SH3GL1: variants seen among roughly 807,000 people sequenced by gnomAD.
The protein encoded by SH3GL1 is SH3 domain containing GRB2 like 1, endophilin A2, also known as endophilin-A2.
Under a neutral mutation model 48.8 loss-of-function variants are expected in SH3GL1, and 21 were observed. The ratio of observed to expected loss-of-function variants is 0.43; its 90% CI spans 0.30 to 0.62. SH3GL1 has a LOEUF of 0.62. SH3GL1 is among the 20% of genes least tolerant of loss of function. The probability of loss-of-function intolerance (pLI) is 0.11; values close to 1 mark genes in which losing one functional copy is unlikely to be tolerated. For missense variants in SH3GL1, 454 were observed against 503.0 expected (o/e 0.90, Z 0.93); for synonymous variants, 282 against 217.5 (o/e 1.30, Z -2.61).
intron 1 of SH3GL1, among the ~76,000 whole-genome samples, chr19:4,375,442 T>A (rs527534698): frequency 2.2e-4 from 34 of 152,344 alleles, no homozygotes; most frequent in African/African-American, 8.2e-4. Flanking sequence ...GCCCCAGGGC[T>A]GGGCGAGGAA....
chr19:4,365,244 G>C (rs1057011086), intron 4 of SH3GL1, among the ~76,000 whole-genome samples: 1 of 152,190 alleles, frequency 6.6e-6, no homozygotes, highest in Admixed American at 6.5e-5. Flanking sequence ...CCAGGCCCTG[G>C]GGAAGCAGCT....
rs1315834293 is a variant in SH3GL1, at chr19:4,361,778, C to T, written c.929G>A (p.Ser310Asn). The T allele has an allele frequency of 6.2e-7, 1 of 1,609,698 alleles. No homozygotes were observed. The highest frequency in any genetic ancestry group is 8.5e-7 in the Non-Finnish European group (1 of 1,179,742). The change falls in exon 10 of 10, where the codon AGC becomes AAC. Residue 310 changes from serine to asparagine, a missense_variant. Ser to Asn is a conservative substitution (Grantham distance 46). Coordinates refer to ENST00000269886, the MANE Select transcript of SH3GL1 (RefSeq NM_003025.4). ...SRSMPPLDQP[S>N]CKALYDFEPE... The stretch of plus-strand genomic sequence containing the variant: ...CTCGAAGTCGTACAGCGCCTTGCAG[C>T]TCGGCTGGTCCAGGGGCGCTGGGGG...
chr19:4,373,752 CCA>C (rs1478936523), intron 1 of SH3GL1, among the ~76,000 whole-genome samples: 1 of 152,124 alleles, frequency 6.6e-6, no homozygotes, highest in Non-Finnish European at 1.5e-5. Flanking sequence ...TCAGACCAGG[CCA>C]CAGAGGGCCC....
rs1165054067 is a variant in SH3GL1, at chr19:4,367,411, G to T, written c.46-417C>A. ...GGGATCTGCCCCCATCCTTGAGTAT[G>T]TGGGGTCTACTTAAAAAAAAAAATC... On this transcript the variant is annotated intron_variant, in intron 1 of 9. Transcript: ENST00000269886. The surrounding 1 kb of genome is among the most constrained non-coding windows in gnomAD (Gnocchi z 4.2). 6.6e-6 allele frequency among the ~76,000 whole-genome samples: 1 copy of T among 151,464 alleles called. No homozygotes were observed. The highest frequency in any genetic ancestry group is 1.5e-5 in the Non-Finnish European group (1 of 67,982).
intron 1 of SH3GL1, among the ~76,000 whole-genome samples, chr19:4,373,449 G>C (rs1442112863): frequency 6.6e-6 from 1 of 152,228 alleles, no homozygotes; most frequent in Admixed American, 6.5e-5. Flanking sequence ...TTAAAAAGCA[G>C]CCTTTGGGAA....
chr19:4,368,578 A>G (rs1396470370), intron 1 of SH3GL1, among the ~76,000 whole-genome samples: 1 of 152,196 alleles, frequency 6.6e-6, no homozygotes, highest in Non-Finnish European at 1.5e-5. Context: ...CCCTCCTCCA[A>G]GGCTTGGCTC....
At position 4,376,089 on chromosome 19, in the gene SH3GL1, G is replaced by A. The variant is rs150902225; in HGVS notation, c.46-9095C>T. Among the ~76,000 whole-genome samples, 2 of 152,362 alleles carry A rather than the reference G, an allele frequency of 1.3e-5. No individual in the cohort carries two copies. Among genetic ancestry groups the A allele is most frequent in the African/African-American group, 2.4e-5 (1 of 41,582 alleles). On this transcript the variant is annotated intron_variant, in intron 1 of 9. Transcript: ENST00000269886. The surrounding 1 kb of genome is among the most constrained non-coding windows in gnomAD (Gnocchi z 4.3). ...GTGACAGCGGTGAGAGGCTGCAGGT[G>A]CACAGATCTCAACGAGGGGCCGTGA...
At chr19:4,373,901 C>T (rs1972953555) in intron 1 of SH3GL1, among the ~76,000 whole-genome samples, 1 of 152,210 alleles carries the variant, frequency 6.6e-6, no homozygotes, top group Admixed American at 6.5e-5. Context: ...GCCCGGCCAC[C>T]GCAGTCTAAA....
Position 4,361,457 on chromosome 19 carries a change from G to A in SH3GL1, c.*143C>T, listed in dbSNP as rs1341843880. 3.1e-6 allele frequency: 2 copies of A among 643,640 alleles called. No homozygotes were observed. The highest frequency in any genetic ancestry group is 2.7e-5 in the East Asian group (1 of 36,768). The allele number at this position is 643,640 out of a possible 1,614,324, so 39.9% of individuals were successfully genotyped here. ...CCACCCAAGTGTGGGGTCCTGCTCA[G>A]GGAGTACCTCAAGGGCCGGGGCCCA... On this transcript the variant is annotated 3_prime_UTR_variant, in exon 10 of 10. Transcript: ENST00000269886.
chr19:4,366,582 A>T lies in SH3GL1; in HGVS notation c.115-9T>A, dbSNP rs781143278. On this transcript the variant is annotated splice_polypyrimidine_tract_variant and intron_variant, in intron 2 of 9. Coordinates refer to ENST00000269886, the MANE Select transcript of SH3GL1 (RefSeq NM_003025.4). The stretch of plus-strand genomic sequence containing the variant: ...CTGGTGACATCCACCTTCTGTGAAG[A>T]GAAGCAGCATATAAGACTCCACAGC... 3 of 1,611,246 alleles carry T rather than the reference A, an allele frequency of 1.9e-6. No homozygotes were observed. The highest frequency in any genetic ancestry group is 2.2e-5 in the South Asian group (2 of 90,796).
chr19:4,385,489 G>A (rs1414227898), intron 1 of SH3GL1, among the ~76,000 whole-genome samples: 6 of 152,204 alleles, frequency 3.9e-5, no homozygotes, highest in Admixed American at 6.5e-5. Flanking sequence ...GGACTCCTGG[G>A]CTCCAGAAAC....
At chr19:4,370,311 T>C (rs1004746317) in intron 1 of SH3GL1, among the ~76,000 whole-genome samples, 1 of 152,204 alleles carries the variant, frequency 6.6e-6, no homozygotes, top group African/African-American at 2.4e-5. Flanking sequence ...CCCTGACTAG[T>C]GCAGCGGACT....
At chr19:4,370,408 G>A (rs1388153371) in intron 1 of SH3GL1, among the ~76,000 whole-genome samples, 2 of 152,194 alleles carry the variant, frequency 1.3e-5, no homozygotes, top group Non-Finnish European at 2.9e-5. Context: ...GGCAGGAAAC[G>A]GAGGAAAATA....
intron 4 of SH3GL1, 147 bp from the exon 5 acceptor site, chr19:4,364,368 C>T (rs1354086560): frequency 2.0e-6 from 2 of 1,020,726 alleles, no homozygotes; most frequent in East Asian, 2.5e-5. Flanking sequence ...AAACTGGGCT[C>T]AAGCCATGCT....
chr19:4,382,500 G>A (rs1451908322), intron 1 of SH3GL1, among the ~76,000 whole-genome samples: 3 of 151,712 alleles, frequency 2.0e-5, no homozygotes, highest in Non-Finnish European at 2.9e-5. Flanking sequence ...CTCGTGATCC[G>A]CCTGCCTCGG....
intron 1 of SH3GL1, among the ~76,000 whole-genome samples, chr19:4,368,658 G>A (rs1377655721): frequency 6.6e-6 from 1 of 152,194 alleles, no homozygotes; most frequent in Non-Finnish European, 1.5e-5. Flanking sequence ...CTGCCTTCAT[G>A]TGCGGGGTGT....
At chr19:4,363,569 A>G in intron 6 of SH3GL1, 96 bp from the exon 7 acceptor site, 1 of 729,864 alleles carries the variant, frequency 1.4e-6, no homozygotes, top group South Asian at 2.4e-5. Context: ...AAGGGGGCTG[A>G]GAGGGGACAG....
rs757316775 is a variant in SH3GL1 at position 4,363,867 on chromosome 19, C to T, written c.477G>A (p.Lys159=). ...AGTCCAGGCGGCGGCCCTCCAGTTT[C>T]TTCAGGTGGTGCTGGAGACGTGGGG... The part of the protein sequence containing the change: ...KDLKEIQHHL[K]KLEGRRLDFD... Residue 159 remains lysine (K), a synonymous_variant, in exon 6 of 10, where the codon AAG becomes AAA. Coordinates refer to ENST00000269886, the MANE Select transcript of SH3GL1 (RefSeq NM_003025.4). 6.2e-7 allele frequency: 1 copy of T among 1,612,488 alleles called. No individual in the cohort carries two copies. The highest frequency in any genetic ancestry group is 2.2e-5 in the East Asian group (1 of 44,886).
intron 1 of SH3GL1, among the ~76,000 whole-genome samples, chr19:4,368,166 C>T (rs1972822257): frequency 6.6e-6 from 1 of 152,236 alleles, no homozygotes; most frequent in African/African-American, 2.4e-5. Context: ...GCCTGTGCCC[C>T]TGGTGCTCCC....
Sources: gnomAD v4.1 joint callset for allele counts (sites outside exome capture counted in the v4.1 genomes callset) on GRCh38, gnomAD v4.1.1 for gene constraint, Gnocchi (gnomAD v3.1) non-coding constraint, MANE v1.5 for transcripts, NCBI Gene and HGNC (gene_info 2026-07-23, HGNC 2026-07-21) for gene names.